The following PRKAG2 variants were observed in gnomAD, a reference collection of about 807,000 sequenced individuals.
PRKAG2 encodes protein kinase AMP-activated non-catalytic subunit gamma 2.
Under a neutral mutation model 69.6 loss-of-function variants are expected in PRKAG2, and 26 were observed. That is an observed-to-expected ratio of 0.37 (90% CI 0.27 to 0.52). PRKAG2 has a LOEUF of 0.52. PRKAG2 is among the 20% of genes least tolerant of loss of function. The pLI is 0.90. For synonymous variants in PRKAG2, 293 were observed against 285.0 expected (o/e 1.03, Z -0.28); for missense variants, 557 against 740.0 (o/e 0.75, Z 2.87).
chr7:151,781,132 C>G lies in PRKAG2; in HGVS notation c.466+20G>C. On this transcript the variant is annotated intron_variant, in intron 3 of 15. Transcript: ENST00000287878. This position sits in a 1 kb window ranked among gnomAD's most constrained non-coding sequence, Gnocchi z 6.1. Reference sequence around the variant, plus strand: ...CCAGCACCCCAGCACCCACCTGAAACAATAGCATCAAGGTCTTACTTTTTC... The same window carrying G: ...CCAGCACCCCAGCACCCACCTGAAAGAATAGCATCAAGGTCTTACTTTTTC... 6.2e-7 allele frequency: 1 copy of G among 1,613,526 alleles called. No individual in the cohort carries two copies. The highest frequency in any genetic ancestry group is 1.1e-5 in the South Asian group (1 of 91,060).
chr7:151,761,448 C>G (rs2075406642), intron 3 of PRKAG2, among the ~76,000 whole-genome samples: 1 of 152,114 alleles, frequency 6.6e-6, no homozygotes, highest in Non-Finnish European at 1.5e-5. Context: ...TTCTGGCAAC[C>G]AATTTGACCT....
chr7:151,857,678 G>A (rs2079820254), intron 1 of PRKAG2, among the ~76,000 whole-genome samples: 1 of 152,196 alleles, frequency 6.6e-6, no homozygotes, highest in African/African-American at 2.4e-5. Context: ...CAGCTGTGTG[G>A]GGATGAAGTC....
At chr7:151,729,368 C>G (rs1488290950) in intron 3 of PRKAG2, among the ~76,000 whole-genome samples, 2 of 149,502 alleles carry the variant, frequency 1.3e-5, no homozygotes, top group African/African-American at 5.0e-5. Flanking sequence ...CAATGGGCAC[C>G]AGGGCTGGAC....
Position 151,557,031 on chromosome 7 carries a change from G to T in PRKAG2, c.*170C>A. 1 of 1,102,370 alleles carries T rather than the reference G, an allele frequency of 9.1e-7. No individual in the cohort carries two copies. Among genetic ancestry groups the T allele is most frequent in the Non-Finnish European group, 1.3e-6 (1 of 755,322 alleles). The allele number at this position is 1,102,370 out of a possible 1,614,324, so 68.3% of individuals were successfully genotyped here. A position where few individuals can be genotyped will look rare whatever the true frequency, so the allele number is the denominator to read the frequency against. On this transcript the variant is annotated 3_prime_UTR_variant, in exon 16 of 16. Transcript: ENST00000287878. ...TTTTAATGCAAGCCTGAATCTTCAA[G>T]CACATAAAATCTTTCTTTTTTAAGC...
intron 3 of PRKAG2, among the ~76,000 whole-genome samples, 188 bp from the exon 4 acceptor site, chr7:151,675,825 G>A (rs550106484): frequency 3.9e-5 from 6 of 152,256 alleles, no homozygotes; most frequent in South Asian, 2.1e-4. Context: ...CAGAGGTCCC[G>A]CCATGGCAGA....
intron 3 of PRKAG2, among the ~76,000 whole-genome samples, chr7:151,712,073 G>A (rs1194224096): frequency 2.6e-5 from 4 of 152,216 alleles, no homozygotes; most frequent in Admixed American, 1.3e-4. Context: ...AGGCAGTGGC[G>A]GCAGAATGTC....
chr7:151,675,511 G>A lies in PRKAG2; in HGVS notation c.593C>T (p.Pro198Leu), dbSNP rs41317142. The A allele has an allele frequency of 1.3e-5, 21 of 1,613,650 alleles. No homozygotes were observed. The highest frequency in any genetic ancestry group is 1.6e-4 in the Middle Eastern group (1 of 6,062). ...ENRIYASSSP[P>L]DTGQRFCPSS... ...CGGGCAGAACCTCTGCCCTGTGTCCGGGGGGGAAGACGAGGCATAGATGCG... is the reference window on the plus strand; with the variant it reads ...CGGGCAGAACCTCTGCCCTGTGTCCAGGGGGGAAGACGAGGCATAGATGCG... Residue 198 changes from proline (P) to leucine (L), a missense_variant, in exon 4 of 16, where the codon CCG becomes CTG. Pro to Leu is a moderately conservative substitution (Grantham distance 98). Transcript: ENST00000287878.
At chr7:151,568,930 G>A in intron 10 of PRKAG2, 88 bp from the exon 11 acceptor site, 1 of 1,438,450 alleles carries the variant, frequency 7.0e-7, no homozygotes, top group Non-Finnish European at 9.7e-7. Flanking sequence ...CACTTCCAGT[G>A]TTTTTATTAT....
intron 1 of PRKAG2, among the ~76,000 whole-genome samples, chr7:151,818,389 C>A (rs370503645): frequency 6.6e-6 from 1 of 151,968 alleles, no homozygotes; most frequent in African/African-American, 2.4e-5. Flanking sequence ...AATCCCATGC[C>A]GCCCTCAGCC....
At chr7:151,842,721 T>TGATGGGTAGTGATGGTAGGTAGG (rs2079339444) in intron 1 of PRKAG2, among the ~76,000 whole-genome samples, 1 of 149,878 alleles carries the variant, frequency 6.7e-6, no homozygotes, top group Non-Finnish European at 1.5e-5. Context: ...TGGTAGGTAG[T>TGATGGGTAGTGATGGTAGGTAGG]GATGGTTGTG....
intron 3 of PRKAG2, chr7:151,736,081 G>T: frequency 6.5e-7 from 1 of 1,527,456 alleles, no homozygotes; most frequent in South Asian, 1.2e-5. Context: ...GGAGCCAGAG[G>T]AGCATCAGCC....
chr7:151,695,608 C>T lies in PRKAG2; in HGVS notation c.467-19971G>A, dbSNP rs1268997849. Among the ~76,000 whole-genome samples, 8 of 152,330 alleles carry T rather than the reference C, an allele frequency of 5.3e-5. No individual in the cohort carries two copies. The South Asian group carries it at 1.5e-3, about 28-fold the overall frequency. On this transcript the variant is annotated intron_variant, in intron 3 of 15. Transcript: ENST00000287878. ...TGATTTTGCAAGGACTTCAGGAACA[C>T]ATTCTAGCACAACTAACTAGAGCTG...
At position 151,853,632 on chromosome 7, in the gene PRKAG2, T is replaced by C. The variant is rs375396727; in HGVS notation, c.114+22875A>G. Among the ~76,000 whole-genome samples the C allele has an allele frequency of 1.8e-3, 270 of 151,554 alleles. 2 individuals carry two copies. Among genetic ancestry groups the C allele is most frequent in the African/African-American group, 6.1e-3 (251 of 41,308 alleles). On this transcript the variant is annotated intron_variant, in intron 1 of 15. Coordinates refer to ENST00000287878, the MANE Select transcript of PRKAG2 (RefSeq NM_016203.4). ...AAAATTAGCCAGGCGTGGTGGCGGG[T>C]GCCTGTAGTCCCAGCTACTCCGGAG...
In PRKAG2 at chr7:151,558,401, C is replaced by T. The variant is rs887522046; in HGVS notation, c.1679-1169G>A. 1.8e-5 allele frequency: 18 copies of T among 985,298 alleles called. No individual in the cohort carries two copies. In the South Asian group the frequency reaches 1.9e-4, roughly 10 times the overall value. The allele number at this position is 985,298 out of a possible 1,614,324, so 61.0% of individuals were successfully genotyped here. A position where few individuals can be genotyped will look rare whatever the true frequency, so the allele number is the denominator to read the frequency against. ...ATTGCACACACATGGCTTTTGTGCA[C>T]GGCTTTCAGCTCTTTTCATAGCAAC... is the stretch of plus-strand genomic sequence containing the variant. On this transcript the variant is annotated intron_variant, in intron 15 of 15. Transcript: ENST00000287878.
intron 4 of PRKAG2, among the ~76,000 whole-genome samples, chr7:151,647,891 G>A (rs1302399985): frequency 2.6e-5 from 4 of 152,142 alleles, no homozygotes; most frequent in African/African-American, 4.8e-5. Context: ...AAAATTAAGC[G>A]AGCAGGTCAG....
At chr7:151,645,427 T>A (rs1166458303) in intron 4 of PRKAG2, among the ~76,000 whole-genome samples, 1 of 152,180 alleles carries the variant, frequency 6.6e-6, no homozygotes, top group Non-Finnish European at 1.5e-5. Flanking sequence ...CTGGCCAACA[T>A]CTTGATTGCA....
intron 8 of PRKAG2, 103 bp from the exon 9 acceptor site, chr7:151,572,812 C>A: frequency 2.6e-6 from 2 of 767,614 alleles, no homozygotes; most frequent in Non-Finnish European, 2.1e-6. Context: ...ATTTTCTATT[C>A]GCAATTAGAA....
At chr7:151,669,794 G>GCA (rs1831578244) in intron 4 of PRKAG2, among the ~76,000 whole-genome samples, 1 of 112,600 alleles carries the variant, frequency 8.9e-6, no homozygotes. Context: ...GCACACACCT[G>GCA]TGCACACACT....
At chr7:151,778,168 A>T (rs1007381379) in intron 3 of PRKAG2, among the ~76,000 whole-genome samples, 11 of 152,106 alleles carry the variant, frequency 7.2e-5, no homozygotes, top group African/African-American at 2.7e-4. Context: ...CCAACCAATC[A>T]GCAGTGCCCG....
Sources: gnomAD v4.1 joint callset for allele counts (sites outside exome capture counted in the v4.1 genomes callset) on GRCh38, gnomAD v4.1.1 for gene constraint, Gnocchi (gnomAD v3.1) non-coding constraint, MANE v1.5 for transcripts, NCBI Gene and HGNC (gene_info 2026-07-23, HGNC 2026-07-21) for gene names.